The following ATAD5 variants were observed in gnomAD, a reference collection of about 807,000 sequenced individuals.
The protein encoded by ATAD5 is ATPase family AAA domain containing 5.
In ATAD5, 58 loss-of-function variants were observed where a neutral mutation model predicts 176.9. The observed-to-expected ratio is 0.33, with a 90% CI of 0.27 to 0.41. The LOEUF (loss-of-function observed/expected upper bound fraction) is 0.41. Among genes scored for constraint, ATAD5 ranks in the 10% least tolerant of loss-of-function variants. The pLI, the probability that ATAD5 is intolerant of heterozygous loss-of-function variation, is 1.00. For missense variants in ATAD5, 1,789 were observed against 2,094.1 expected, an observed-to-expected ratio of 0.85 and a Z score of 2.84; for synonymous variants, 640 against 712.6, an observed-to-expected ratio of 0.90 and a Z score of 1.62.
chr17:30,866,185 ATTT>A (rs542432593), intron 11 of ATAD5, among the ~76,000 whole-genome samples: 3,317 of 78,818 alleles, frequency 0.042, 37 homozygotes, highest in African/African-American at 0.096. Context: ...GAATTTACAA[ATTT>A]TTTTTTTTTT....
chr17:30,864,741 T>C (rs1174443478), intron 10 of ATAD5: 1 of 152,210 alleles, frequency 6.6e-6, no homozygotes, highest in East Asian at 1.9e-4. Context: ...GAACATGCAT[T>C]ATTTGGTTTT....
chr17:30,849,442 T>C (rs979293504), intron 6 of ATAD5, among the ~76,000 whole-genome samples: 1 of 152,254 alleles, frequency 6.6e-6, no homozygotes, highest in Non-Finnish European at 1.5e-5. Flanking sequence ...TGAACATTCA[T>C]GTATAAGTCT....
chr17:30,854,368 AATTTTT>A (rs1907163340), intron 6 of ATAD5, among the ~76,000 whole-genome samples: 1 of 82,224 alleles, frequency 1.2e-5, no homozygotes, highest in South Asian at 5.1e-4. Context: ...AATTAATTTA[AATTTTT>A]TTTTTTTTTT....
At chr17:30,844,394 G>A (rs1801636350) in intron 5 of ATAD5, among the ~76,000 whole-genome samples, 1 of 152,108 alleles carries the variant, frequency 6.6e-6, no homozygotes, top group Admixed American at 6.6e-5. Context: ...GCTTCCCAAA[G>A]TGCTGGGATT....
intron 6 of ATAD5, among the ~76,000 whole-genome samples, chr17:30,847,334 A>G (rs967106027): frequency 2.0e-5 from 3 of 151,818 alleles, no homozygotes; most frequent in Non-Finnish European, 4.4e-5. Flanking sequence ...ATATAGAGAG[A>G]GAGAGAGAGA....
intron 4 of ATAD5, among the ~76,000 whole-genome samples, chr17:30,842,250 C>T (rs190630372): frequency 5.1e-4 from 77 of 151,670 alleles, no homozygotes; most frequent in African/African-American, 1.4e-3. Flanking sequence ...GCCTGGGTAA[C>T]AGAGTGAGAC....
Position 30,894,941 on chromosome 17 carries a change from G to C in ATAD5, c.*28G>C. 2.0e-6 allele frequency: 3 copies of C among 1,468,922 alleles called. No individual in the cohort carries two copies. Among genetic ancestry groups the C allele is most frequent in the Non-Finnish European group, 2.8e-6 (3 of 1,081,232 alleles). 91.0% of individuals were successfully genotyped at this position (1,468,922 alleles called of 1,614,324 possible). ...TTCCATACTAACAATGCTTTGTATA[G>C]ATTATCATGTGGTCCTTAAGATACA... On this transcript the variant is annotated 3_prime_UTR_variant, in exon 23 of 23. Transcript: ENST00000321990.
Position 30,840,662 on chromosome 17 carries a change from GA to G in ATAD5, c.2127del (p.Ala710GlnfsTer11). 6.3e-7 allele frequency: 1 copy of G among 1,582,092 alleles called. No individual in the cohort carries two copies. Among genetic ancestry groups the G allele is most frequent in the Non-Finnish European group, 8.6e-7 (1 of 1,165,978 alleles). Reference protein sequence around the residue: ...KNISKAKQLIEKAKALHISRS... With the variant: ...KNISKAKQLIXKAKALHISRS... ...CATATCAAAAGCAAAACAATTGATT[GA>G]AAAAGCAAAAGCTTTACACATCAGT... On this transcript the variant is annotated frameshift_variant, in exon 4 of 23. Coordinates refer to ENST00000321990, the MANE Select transcript of ATAD5 (RefSeq NM_024857.5). LOFTEE classifies it high-confidence loss of function.
chr17:30,846,644 G>T (rs1029630393), intron 6 of ATAD5, among the ~76,000 whole-genome samples: 1 of 151,586 alleles, frequency 6.6e-6, no homozygotes, highest in Non-Finnish European at 1.5e-5. Flanking sequence ...CTTGTGATCC[G>T]CCTGCCTTGG....
chr17:30,850,831 TTTTATATATATATATA>T (rs1228355378), intron 6 of ATAD5, among the ~76,000 whole-genome samples: 868 of 62,534 alleles, frequency 0.014, 37 homozygotes, highest in African/African-American at 0.045. Flanking sequence ...ATTTATATAT[TTTTATATATATATATA>T]TATATATATA....
In ATAD5 at chr17:30,835,493, T is replaced by C; in HGVS notation, c.1412T>C (p.Leu471Pro). ...LQLHTDKGSF[L>P]KEKNKKLKKK... ...TTACACACTGATAAAGGAAGTTTTC[T>C]GAAGGAGAAAAATAAAAAGCTAAAG... Residue 471 changes from leucine to proline, a missense_variant, in exon 2 of 23, where the codon CTG becomes CCG. This residue lies in a region of ATAD5 where 696 missense variants were observed against 712.5 expected (regional missense o/e 0.98). Transcript: ENST00000321990. 1 of 1,607,442 alleles carries C rather than the reference T, an allele frequency of 6.2e-7. No individual in the cohort carries two copies. Among genetic ancestry groups the C allele is most frequent in the African/African-American group, 1.3e-5 (1 of 74,588 alleles).
chr17:30,860,352 A>T, intron 9 of ATAD5, 81 bp from the exon 10 acceptor site: 1 of 1,465,674 alleles, frequency 6.8e-7, no homozygotes, highest in South Asian at 1.3e-5. Flanking sequence ...TTACAAGACT[A>T]TTGGATACTT....
At chr17:30,857,139 TAG>T in intron 8 of ATAD5, 27 bp downstream of exon 8, 1 of 1,589,136 alleles carries the variant, frequency 6.3e-7, no homozygotes, top group Non-Finnish European at 8.5e-7. Flanking sequence ...TCATCCATTG[TAG>T]AGTGTTTCCC....
intron 18 of ATAD5, among the ~76,000 whole-genome samples, chr17:30,885,037 G>A (rs562309144): frequency 6.6e-6 from 1 of 151,578 alleles, no homozygotes. Context: ...GTGAGCCACC[G>A]TGCCCAGCTG....
chr17:30,878,648 A>G lies in ATAD5; in HGVS notation c.4012+552A>G, dbSNP rs1315724952. On this transcript the variant is annotated intron_variant, in intron 17 of 22. Coordinates refer to ENST00000321990, the MANE Select transcript of ATAD5 (RefSeq NM_024857.5). ...TGAGGCTAGTCTCTACTTACAAATT[A>G]ATGCCCATTTGGTAGTGATTGTACT... Among the ~76,000 whole-genome samples the G allele has an allele frequency of 2.0e-5, 3 of 150,286 alleles. No homozygotes were observed. The Middle Eastern group carries it at 0.01, about 515-fold the overall frequency.
At position 30,834,598 on chromosome 17, in the gene ATAD5, C is replaced by A. The variant is rs1424484379; in HGVS notation, c.517C>A (p.Gln173Lys). Residue 173 changes from glutamine to lysine, a missense_variant, in exon 2 of 23, where the codon CAA (glutamine) becomes AAA (lysine). Gln to Lys is a moderately conservative substitution (Grantham distance 53). Transcript: ENST00000321990. ...KQVEVLAENI[Q>K]DTKSQPNTMT... ...AGTAGAGGTACTTGCAGAAAACATT[C>A]AAGATACAAAAAGTCAACCAAATAC... 1.9e-6 allele frequency: 3 copies of A among 1,611,012 alleles called. No individual in the cohort carries two copies. The highest frequency in any genetic ancestry group is 2.7e-5 in the African/African-American group (2 of 74,780).
chr17:30,837,502 T>C (rs762951106), intron 3 of ATAD5, among the ~76,000 whole-genome samples, 188 bp downstream of exon 3: 1 of 152,208 alleles, frequency 6.6e-6, no homozygotes, highest in South Asian at 2.1e-4. Context: ...AGATATCTTA[T>C]TGTGAGGTGA....
intron 6 of ATAD5, among the ~76,000 whole-genome samples, chr17:30,848,491 T>G (rs1272247779): frequency 6.6e-6 from 1 of 151,982 alleles, no homozygotes; most frequent in Non-Finnish European, 1.5e-5. Context: ...ACTCTTGGAC[T>G]CAGGTGATCT....
At chr17:30,845,365 T>A (rs1272234775) in intron 6 of ATAD5, among the ~76,000 whole-genome samples, 1 of 152,136 alleles carries the variant, frequency 6.6e-6, no homozygotes, top group Non-Finnish European at 1.5e-5. Context: ...TAATTCATAT[T>A]GAGGAGGGTT....
Sources: gnomAD v4.1 joint callset for allele counts (sites outside exome capture counted in the v4.1 genomes callset) on GRCh38, gnomAD v4.1.1 for gene constraint, gnomAD v4.1.1 regional missense constraint, MANE v1.5 for transcripts, NCBI Gene and HGNC (gene_info 2026-07-23, HGNC 2026-07-21) for gene names.